Variants in TC2N observed in about 807,000 individuals in gnomAD.
TC2N encodes the protein tandem C2 domains nuclear protein.
A neutral mutation model predicts 61.9 loss-of-function variants in TC2N; 51 were observed. The ratio of observed to expected loss-of-function variants is 0.82; its 90% CI spans 0.66 to 1.04. The LOEUF is 1.04. TC2N is among the 50% of genes least tolerant of loss of function. The pLI, the probability that TC2N is intolerant of heterozygous loss-of-function variation, is 0.00. For synonymous variants in TC2N, 204 were observed against 192.6 expected (o/e 1.06, Z -0.49); for missense variants, 556 against 566.7 (o/e 0.98, Z 0.19).
At position 91,779,948 on chromosome 14, in the gene TC2N, A is replaced by G. The variant is rs1885013349; in HGVS notation, c.*3152T>C. 6.6e-6 allele frequency: 1 copy of G among 152,206 alleles called. No individual in the cohort carries two copies. The highest frequency in any genetic ancestry group is 6.5e-5 in the Admixed American group (1 of 15,274). The allele number at this position is 152,206 out of a possible 1,614,324, so 9.4% of individuals were successfully genotyped here. A position where few individuals can be genotyped will look rare whatever the true frequency, so the allele number is the denominator to read the frequency against. On this transcript the variant is annotated 3_prime_UTR_variant, in exon 12 of 12. Coordinates refer to ENST00000435962, the MANE Select transcript of TC2N (RefSeq NM_001128596.3). ...TTAGGAGGCTCCATTAACTCTTTTA[A>G]TATATTTCTAAATCTTAAATCTATA...
chr14:91,801,463 G>T (rs183845063), intron 4 of TC2N, among the ~76,000 whole-genome samples: 1 of 152,238 alleles, frequency 6.6e-6, no homozygotes, highest in African/African-American at 2.4e-5. Flanking sequence ...AGCCTAACCT[G>T]GGCAACATGG....
intron 5 of TC2N, among the ~76,000 whole-genome samples, chr14:91,799,981 A>C (rs777170911): frequency 5.3e-5 from 8 of 152,150 alleles, no homozygotes; most frequent in Non-Finnish European, 1.0e-4. Flanking sequence ...AAGAAAAGCT[A>C]AATTAATAAG....
chr14:91,790,131 G>A (rs1019712720), intron 9 of TC2N, among the ~76,000 whole-genome samples: 1 of 152,198 alleles, frequency 6.6e-6, no homozygotes, highest in African/African-American at 2.4e-5. Flanking sequence ...ATTAGATCAC[G>A]TAGCATTGAG....
chr14:91,847,433 A>G (rs938151928), intron 1 of TC2N, among the ~76,000 whole-genome samples: 7 of 152,212 alleles, frequency 4.6e-5, no homozygotes, highest in South Asian at 2.1e-4. Context: ...GTGATGGCCA[A>G]TGCTAGGTCA....
chr14:91,787,510 T>C lies in TC2N; in HGVS notation c.1162+3A>G. The C allele has an allele frequency of 6.3e-7, 1 of 1,578,784 alleles. No homozygotes were observed. Among genetic ancestry groups the C allele is most frequent in the Non-Finnish European group, 8.7e-7 (1 of 1,152,846 alleles). On this transcript the variant is annotated splice_donor_region_variant and intron_variant, in intron 10 of 11. Coordinates refer to ENST00000435962, the MANE Select transcript of TC2N (RefSeq NM_001128596.3). ...TTCTACTTTGAACCACTGATATACT[T>C]ACTCAAAGTCAGAGGTGTTGATGAG...
rs1450954904 is a variant in TC2N, at chr14:91,780,476, C to T, written c.*2624G>A. The T allele has an allele frequency of 6.6e-6, 1 of 152,146 alleles. No homozygotes were observed. Among genetic ancestry groups the T allele is most frequent in the Non-Finnish European group, 1.5e-5 (1 of 68,004 alleles). 9.4% of individuals were successfully genotyped at this position (152,146 alleles called of 1,614,324 possible). On this transcript the variant is annotated 3_prime_UTR_variant, in exon 12 of 12. Transcript: ENST00000435962. Reference sequence around the variant, plus strand: ...CTGATATACTTCAGAGGCCATTTCCCTAGGAGTACTGCTTTTAAAAATCAT... The same window carrying T: ...CTGATATACTTCAGAGGCCATTTCCTTAGGAGTACTGCTTTTAAAAATCAT...
In TC2N at chr14:91,792,558, C is replaced by A; in HGVS notation, c.856G>T (p.Ala286Ser). The A allele has an allele frequency of 4.8e-6, 7 of 1,457,246 alleles. No homozygotes were observed. The highest frequency in any genetic ancestry group is 1.4e-5 in the South Asian group (1 of 70,032). 90.3% of individuals were successfully genotyped at this position (1,457,246 alleles called of 1,614,324 possible). A position where few individuals can be genotyped will look rare whatever the true frequency, so the allele number is the denominator to read the frequency against. Residue 286 changes from alanine to serine, a missense_variant and splice_region_variant, in exon 9 of 12, where the codon GCT becomes TCT. Physicochemically the swap from Ala to Ser is moderately conservative, Grantham distance 99 (BLOSUM62 1). Coordinates refer to ENST00000435962, the MANE Select transcript of TC2N (RefSeq NM_001128596.3). ...ACAAACGTTTCCATAAATTCAATAG[C>A]CTTAAAAAAAAAACAAGAAAACATA... ...FKSSAKEGSN[A>S]IEFMETFVFA...
intron 1 of TC2N, among the ~76,000 whole-genome samples, chr14:91,858,152 C>CTTCTTTTTTT (rs1555373188): frequency 4.3e-5 from 4 of 92,340 alleles, no homozygotes; most frequent in South Asian, 4.3e-4. Context: ...TCTTCTTCTT[C>CTTCTTTTTTT]TTTTTTTTTT....
intron 1 of TC2N, among the ~76,000 whole-genome samples, chr14:91,848,863 C>G (rs1056574908): frequency 6.6e-6 from 1 of 152,216 alleles, no homozygotes; most frequent in Non-Finnish European, 1.5e-5. Context: ...TAGTCATCAT[C>G]TCCCCAACAT....
intron 1 of TC2N, among the ~76,000 whole-genome samples, chr14:91,845,538 T>A (rs1439726289): frequency 6.6e-6 from 1 of 152,248 alleles, no homozygotes; most frequent in Non-Finnish European, 1.5e-5. Context: ...GGTCCTTGAC[T>A]TGTTCTGGAC....
intron 1 of TC2N, among the ~76,000 whole-genome samples, chr14:91,835,390 T>C (rs1362083924): frequency 6.6e-6 from 1 of 152,254 alleles, no homozygotes. Context: ...TAATTCTCAA[T>C]ATTTTCCAGG....
intron 1 of TC2N, among the ~76,000 whole-genome samples, chr14:91,835,757 A>G (rs1343607532): frequency 6.6e-6 from 1 of 152,262 alleles, no homozygotes; most frequent in Non-Finnish European, 1.5e-5. Context: ...AAAGTTTCAG[A>G]AACATCACAG....
intron 1 of TC2N, among the ~76,000 whole-genome samples, chr14:91,841,809 C>G (rs925631654): frequency 2.0e-5 from 3 of 152,132 alleles, no homozygotes; most frequent in Non-Finnish European, 4.4e-5. Context: ...ACTTTCAGAC[C>G]TTTACTTCAC....
intron 1 of TC2N, among the ~76,000 whole-genome samples, chr14:91,848,880 T>C (rs1888320644): frequency 6.6e-6 from 1 of 152,214 alleles, no homozygotes; most frequent in South Asian, 2.1e-4. Context: ...ACATTCACTA[T>C]TTTGCTTTCA....
chr14:91,825,076 T>C (rs1430646406), intron 1 of TC2N, among the ~76,000 whole-genome samples: 1 of 122,912 alleles, frequency 8.1e-6, no homozygotes, highest in Non-Finnish European at 1.6e-5. Flanking sequence ...CGCTCTGTCA[T>C]CCAGGCTGGA....
chr14:91,823,314 AGTT>A (rs1427148739), intron 1 of TC2N, among the ~76,000 whole-genome samples: 2 of 151,854 alleles, frequency 1.3e-5, no homozygotes, highest in Non-Finnish European at 2.9e-5. Flanking sequence ...TAAGGTCGGG[AGTT>A]CGAGACCAGC....
chr14:91,835,762 T>C (rs1232650852), intron 1 of TC2N, among the ~76,000 whole-genome samples: 1 of 152,184 alleles, frequency 6.6e-6, no homozygotes, highest in African/African-American at 2.4e-5. Flanking sequence ...TTCAGAAACA[T>C]CACAGGTAAA....
At chr14:91,802,532 A>G (rs1886309152) in intron 3 of TC2N, 111 bp from the exon 4 acceptor site, 1 of 893,870 alleles carries the variant, frequency 1.1e-6, no homozygotes, top group African/African-American at 1.7e-5. Flanking sequence ...GTAATACTAA[A>G]TCACATGTCT....
At chr14:91,850,999 C>G (rs1264693636) in intron 1 of TC2N, among the ~76,000 whole-genome samples, 1 of 152,162 alleles carries the variant, frequency 6.6e-6, no homozygotes, top group African/African-American at 2.4e-5. Flanking sequence ...TCAGGTGGGA[C>G]CATCTAGTTT....
Sources: gnomAD v4.1 joint callset for allele counts (sites outside exome capture counted in the v4.1 genomes callset) on GRCh38, gnomAD v4.1.1 for gene constraint, MANE v1.5 for transcripts, NCBI Gene and HGNC (gene_info 2026-07-23, HGNC 2026-07-21) for gene names.